The following RUFY3 variants were observed in gnomAD, a reference collection of about 807,000 sequenced individuals.
RUFY3 encodes RUN and FYVE domain containing 3.
RUFY3 carries 34 observed loss-of-function variants against 84.0 expected under a neutral mutation model. The observed-to-expected ratio is 0.40, with a 90% CI of 0.31 to 0.54. The LOEUF (loss-of-function observed/expected upper bound fraction) is 0.54, where lower values mean the gene tolerates loss of function less well. RUFY3 is among the 20% of genes least tolerant of loss of function. The pLI is 0.39. For synonymous variants in RUFY3, 242 were observed against 252.9 expected (o/e 0.96, Z 0.41); for missense variants, 507 against 736.8 (o/e 0.69, Z 3.61).
At chr4:70,778,951 T>G (rs1388232055) in intron 8 of RUFY3, among the ~76,000 whole-genome samples, 1 of 152,160 alleles carries the variant, frequency 6.6e-6, no homozygotes, top group African/African-American at 2.4e-5. Context: ...AATTAGACTG[T>G]GTAGGGGCAT....
chr4:70,775,284 G>T, intron 7 of RUFY3, 51 bp downstream of exon 7: 1 of 1,244,346 alleles, frequency 8.0e-7, no homozygotes, highest in South Asian at 1.3e-5. Flanking sequence ...TGAAGGAGAA[G>T]GGAAGAGTAA....
intron 1 of RUFY3, among the ~76,000 whole-genome samples, chr4:70,725,396 T>C (rs1276969702): frequency 1.3e-5 from 2 of 151,718 alleles, no homozygotes; most frequent in African/African-American, 4.8e-5. Context: ...AATGGCGCAA[T>C]CTTGGCTCAC....
chr4:70,767,259 ATTTTT>A (rs779388140), intron 4 of RUFY3, among the ~76,000 whole-genome samples: 113 of 49,682 alleles, frequency 2.3e-3, no homozygotes, highest in Non-Finnish European at 2.9e-3. Context: ...CTAATTTTGT[ATTTTT>A]TTTTTTTTTT....
chr4:70,708,971 T>C (rs1740667675), intron 1 of RUFY3, among the ~76,000 whole-genome samples: 1 of 152,184 alleles, frequency 6.6e-6, no homozygotes, highest in African/African-American at 2.4e-5. Context: ...GGTGGGAGGA[T>C]GGCATGAGTC....
At chr4:70,766,846 A>C (rs189773138) in intron 4 of RUFY3, among the ~76,000 whole-genome samples, 1 of 152,296 alleles carries the variant, frequency 6.6e-6, no homozygotes, top group Non-Finnish European at 1.5e-5. Context: ...ACCATACAAA[A>C]TAGTTTCATG....
intron 12 of RUFY3, 117 bp downstream of exon 12, chr4:70,789,709 C>G: frequency 7.3e-7 from 1 of 1,375,596 alleles, no homozygotes; most frequent in South Asian, 1.7e-5. Context: ...TAGCATCAGA[C>G]ATTCTGGTAG....
chr4:70,768,695 C>T, intron 5 of RUFY3, 34 bp downstream of exon 5: 1 of 1,605,732 alleles, frequency 6.2e-7, no homozygotes, highest in Non-Finnish European at 8.5e-7. Flanking sequence ...ATGGGTGTCA[C>T]TCTGAGTTCT....
rs142946397 is a variant in RUFY3 at position 70,725,175 on chromosome 4, GT to G, written c.178+2426del. On this transcript the variant is annotated intron_variant, in intron 1 of 17. Coordinates refer to ENST00000381006, the MANE Select transcript of RUFY3 (RefSeq NM_001037442.4). ...CATATTTTATTTTCTTAAAACCAGA[GT>G]TCCTGGCCCTTCACTGAGCAGTCCG... Among the ~76,000 whole-genome samples, 547 of 152,264 alleles carry G rather than the reference GT, an allele frequency of 3.6e-3. 2 individuals carry two copies. The highest frequency in any genetic ancestry group is 0.012 in the African/African-American group (510 of 41,548).
chr4:70,737,366 C>G (rs2148633390), intron 1 of RUFY3, among the ~76,000 whole-genome samples: 1 of 152,210 alleles, frequency 6.6e-6, no homozygotes, highest in East Asian at 1.9e-4. Context: ...AAGCTGCATG[C>G]TGGGATTTCC....
intron 12 of RUFY3, chr4:70,791,578 A>G (rs1730821490): frequency 8.9e-6 from 11 of 1,229,546 alleles, no homozygotes; most frequent in Non-Finnish European, 1.1e-5. Flanking sequence ...TAAAAATACC[A>G]CTTTCTTTAA....
chr4:70,711,592 A>G (rs998199887), intron 1 of RUFY3, among the ~76,000 whole-genome samples: 2 of 152,148 alleles, frequency 1.3e-5, no homozygotes, highest in African/African-American at 4.8e-5. Context: ...CCATTTTCTG[A>G]TCCATTAAGT....
At position 70,739,020 on chromosome 4, in the gene RUFY3, A is replaced by T. The variant is rs1720875166; in HGVS notation, c.178+16269A>T. ...ATGAACCACCACACCCAGCCTCAGT[A>T]AAATTAAAATGGCTGAAGTGTTGAT... On this transcript the variant is annotated intron_variant, in intron 1 of 17. Transcript: ENST00000381006. Among the ~76,000 whole-genome samples the T allele has an allele frequency of 2.0e-5, 3 of 151,860 alleles. No homozygotes were observed. The South Asian group carries it at 6.2e-4, about 31-fold the overall frequency.
At chr4:70,720,498 C>T (rs755991095), upstream of RUFY3, among the ~76,000 whole-genome samples, 81 of 152,054 alleles carry the variant, frequency 5.3e-4, no homozygotes, top group African/African-American at 1.9e-3. Flanking sequence ...GCCCTGTCTT[C>T]GTAACAATAT....
chr4:70,704,846 G>A (rs921233238), exon 1 of RUFY3: 3 of 844,904 alleles, frequency 3.6e-6, no homozygotes, highest in Non-Finnish European at 4.6e-6. Context: ...CGCAGCGGAC[G>A]GGACGGGGCG....
At chr4:70,784,153 C>A (rs957778659) in intron 9 of RUFY3, among the ~76,000 whole-genome samples, 1 of 152,122 alleles carries the variant, frequency 6.6e-6, no homozygotes, top group Admixed American at 6.5e-5. Context: ...TAACCAGTTG[C>A]GAATTCTCTG....
At chr4:70,802,282 G>A (rs1407623879) in intron 15 of RUFY3, among the ~76,000 whole-genome samples, 2 of 152,162 alleles carry the variant, frequency 1.3e-5, no homozygotes, top group East Asian at 1.9e-4. Flanking sequence ...TCACCCCATG[G>A]TGTATGTCTG....
chr4:70,800,536 T>A (rs1409645707), intron 15 of RUFY3, among the ~76,000 whole-genome samples: 1 of 152,194 alleles, frequency 6.6e-6, no homozygotes, highest in Admixed American at 6.5e-5. Context: ...TACATAGCAT[T>A]TCTTAACTTC....
intron 12 of RUFY3, 118 bp downstream of exon 12, chr4:70,789,710 A>G: frequency 2.2e-6 from 3 of 1,379,136 alleles, no homozygotes; most frequent in Non-Finnish European, 2.8e-6. Context: ...AGCATCAGAC[A>G]TTCTGGTAGA....
chr4:70,751,635 A>G (rs937803051), intron 1 of RUFY3, among the ~76,000 whole-genome samples: 2 of 152,164 alleles, frequency 1.3e-5, no homozygotes, highest in South Asian at 2.1e-4. Flanking sequence ...ATAATTATTT[A>G]TACATTCTGG....
Sources: allele counts gnomAD v4.1 joint callset (sites outside exome capture counted in the v4.1 genomes callset), GRCh38; gene constraint gnomAD v4.1.1; transcripts MANE v1.5; gene names NCBI Gene and HGNC (gene_info 2026-07-23, HGNC 2026-07-21).